Variants in BID observed in about 807,000 individuals in gnomAD.
The protein encoded by BID is BH3 interacting domain death agonist, also known as BH3-interacting domain death agonist.
BID carries 19 observed loss-of-function variants against 17.4 expected under a neutral mutation model. The ratio of observed to expected loss-of-function variants is 1.09; its 90% CI spans 0.76 to 1.60. BID has a LOEUF of 1.60. Among genes scored for constraint, BID ranks in the 40% most tolerant of loss-of-function variants. BID has a pLI of 0.00. For missense variants in BID, 226 were observed against 256.0 expected (o/e 0.88, Z 0.80); for synonymous variants, 108 against 102.8 (o/e 1.05, Z -0.31).
rs8190354 is a variant in BID at position 17,735,545 on chromosome 22, G to A, written c.*35C>T. 27,177 of 1,613,678 alleles carry A rather than the reference G, an allele frequency of 0.017. 291 individuals carry two copies. The highest frequency in any genetic ancestry group is 0.019 in the Non-Finnish European group (22,809 of 1,179,702). On this transcript the variant is annotated 3_prime_UTR_variant, in exon 6 of 6. Transcript: ENST00000622694. ...GCAGCTATACAGCTGTGACCACATC[G>A]AGCTTTAGCCAGTCACACTTCTGGA...
chr22:17,740,428 G>T (rs1003222854), intron 3 of BID: 7 of 387,728 alleles, frequency 1.8e-5, no homozygotes, highest in African/African-American at 1.1e-4. Context: ...GCCTCTACAA[G>T]AAACTTTTTT....
rs934882557 is a variant in BID at position 17,734,749 on chromosome 22, G to A, written c.*831C>T. On this transcript the variant is annotated 3_prime_UTR_variant, in exon 6 of 6. Transcript: ENST00000622694. ...AGCTATTACCAGGGGGCTAACTCCC[G>A]GGGCATCGCAGTAGCTTCTGGCACC... 6.6e-6 allele frequency: 1 copy of A among 152,190 alleles called. No individual in the cohort carries two copies. The highest frequency in any genetic ancestry group is 2.4e-5 in the African/African-American group (1 of 41,442). 9.4% of individuals were successfully genotyped at this position (152,190 alleles called of 1,614,324 possible).
rs8190315 is a variant in BID at position 17,743,998 on chromosome 22, T to C, written c.28A>G (p.Ser10Gly). Residue 10 changes from serine to glycine, a missense_variant, in exon 3 of 6, where the codon AGC becomes GGC. Transcript: ENST00000622694. ...TTTGTGATGCACTCATCCCTGAGGC[T>C]GGAACCGTTGTTGACCTGAGGGGAA... is the stretch of plus-strand genomic sequence containing the variant. MDCEVNNGSSLRDECITNLL... is the reference protein window; with the variant it reads MDCEVNNGSGLRDECITNLL... 36,477 of 1,613,790 alleles carry C rather than the reference T, an allele frequency of 0.023. 687 individuals are homozygous for C. Among genetic ancestry groups the C allele is most frequent in the East Asian group, 0.096 (4,302 of 44,872 alleles).
intron 5 of BID, among the ~76,000 whole-genome samples, chr22:17,736,326 G>A (rs1198655931): frequency 6.6e-6 from 1 of 152,022 alleles, no homozygotes; most frequent in African/African-American, 2.4e-5. Context: ...TCATGGTGGT[G>A]TGTGCCTGTA....
chr22:17,750,449 A>G (rs528412368), intron 1 of BID, among the ~76,000 whole-genome samples: 2 of 152,374 alleles, frequency 1.3e-5, no homozygotes, highest in South Asian at 4.1e-4. Flanking sequence ...GCATCAGGGA[A>G]ACGGGGCCGT....
chr22:17,771,874 G>A (rs777782935), intron 1 of BID, among the ~76,000 whole-genome samples: 4 of 152,076 alleles, frequency 2.6e-5, no homozygotes, highest in African/African-American at 4.8e-5. Context: ...CACGTCACTC[G>A]CTGCCTTGGA....
intron 1 of BID, among the ~76,000 whole-genome samples, chr22:17,767,325 G>A (rs1258738680): frequency 4.6e-5 from 7 of 151,852 alleles, no homozygotes; most frequent in Non-Finnish European, 2.9e-5. Flanking sequence ...AGCTAATCAC[G>A]AACCAATCAG....
chr22:17,757,889 G>A (rs529865226), intron 1 of BID, among the ~76,000 whole-genome samples: 6 of 152,294 alleles, frequency 3.9e-5, no homozygotes, highest in Admixed American at 1.3e-4. Flanking sequence ...GCTACCCATC[G>A]ATCCGTTACG....
rs760766944 is a variant in BID, at chr22:17,735,601, G to A, written c.577-10C>T. ...CCGTTCAGTCCATCCCCTAGAGCAA[G>A]AAAGGAGAAAAAGCCAGAATCAGCT... is the stretch of plus-strand genomic sequence containing the variant. On this transcript the variant is annotated splice_polypyrimidine_tract_variant and intron_variant, in intron 5 of 5. Coordinates refer to ENST00000622694, the MANE Select transcript of BID (RefSeq NM_001196.4). 2 of 1,614,040 alleles carry A rather than the reference G, an allele frequency of 1.2e-6. No homozygotes were observed. Among genetic ancestry groups the A allele is most frequent in the African/African-American group, 2.7e-5 (2 of 74,916 alleles).
intron 3 of BID, among the ~76,000 whole-genome samples, chr22:17,741,350 C>T (rs905879011): frequency 1.3e-5 from 2 of 152,172 alleles, no homozygotes; most frequent in Non-Finnish European, 2.9e-5. Flanking sequence ...TGCCACATCA[C>T]TTCTCTTCAA....
rs1022697581 is a variant in BID, at chr22:17,734,594, G to A, written c.*986C>T. On this transcript the variant is annotated 3_prime_UTR_variant, in exon 6 of 6. Transcript: ENST00000622694. ...TTGGTTTTGACTGTCCCTAAGAGAGGGAACCACTTTGCTGAATTTTTAAAA... is the reference window on the plus strand; with the variant it reads ...TTGGTTTTGACTGTCCCTAAGAGAGAGAACCACTTTGCTGAATTTTTAAAA... 2.6e-5 allele frequency: 4 copies of A among 152,150 alleles called. No individual in the cohort carries two copies. Among genetic ancestry groups the A allele is most frequent in the Admixed American group, 2.0e-4 (3 of 15,280 alleles). 9.4% of individuals were successfully genotyped at this position (152,150 alleles called of 1,614,324 possible).
At chr22:17,755,605 A>G (rs1338064721) in intron 1 of BID, among the ~76,000 whole-genome samples, 1 of 152,016 alleles carries the variant, frequency 6.6e-6, no homozygotes, top group African/African-American at 2.4e-5. Flanking sequence ...GACTGAGACC[A>G]TCCTGGTCAA....
At chr22:17,762,554 ACT>A (rs1569051456) in intron 1 of BID, among the ~76,000 whole-genome samples, 7 of 142,592 alleles carry the variant, frequency 4.9e-5, no homozygotes, top group African/African-American at 1.4e-4. Flanking sequence ...ATGAATGAAC[ACT>A]TTTTTTTTTT....
At chr22:17,757,494 G>A (rs181415) in intron 1 of BID, among the ~76,000 whole-genome samples, 43,898 of 150,136 alleles carry the variant, frequency 0.29, 6,689 homozygotes, top group Admixed American at 0.34. Context: ...GGATCACAAG[G>A]TCAGGAGATC....
chr22:17,751,365 C>T (rs2061538475), intron 1 of BID, among the ~76,000 whole-genome samples: 1 of 147,786 alleles, frequency 6.8e-6, no homozygotes, highest in South Asian at 2.1e-4. Context: ...GGCGACAGAG[C>T]GAGACTCCGT....
intron 1 of BID, among the ~76,000 whole-genome samples, chr22:17,758,683 G>A (rs963450734): frequency 2.6e-5 from 4 of 152,142 alleles, no homozygotes; most frequent in African/African-American, 9.7e-5. Context: ...TATCTCCAAG[G>A]GGTGCCCAGA....
chr22:17,739,645 C>G, intron 3 of BID, 157 bp from the exon 4 acceptor site: 1 of 1,006,462 alleles, frequency 9.9e-7, no homozygotes, highest in African/African-American at 1.6e-5. Context: ...CCACAGCGGG[C>G]GGGCTGAGTA....
intron 1 of BID, among the ~76,000 whole-genome samples, chr22:17,766,614 G>A (rs950500211): frequency 6.7e-6 from 1 of 149,878 alleles, no homozygotes; most frequent in African/African-American, 2.5e-5. Flanking sequence ...TTTTGAGACA[G>A]AGTCTCACTC....
chr22:17,756,234 G>A (rs1206973811), intron 1 of BID, among the ~76,000 whole-genome samples: 3 of 152,152 alleles, frequency 2.0e-5, no homozygotes, highest in Admixed American at 6.5e-5. Context: ...GGGAAACAGC[G>A]ATGTTAAAAC....
Sources: gnomAD v4.1 joint callset for allele counts (sites outside exome capture counted in the v4.1 genomes callset) on GRCh38, gnomAD v4.1.1 for gene constraint, MANE v1.5 for transcripts, NCBI Gene and HGNC (gene_info 2026-07-23, HGNC 2026-07-21) for gene names.